The following OR4N2 variants were observed in gnomAD, a reference collection of about 807,000 sequenced individuals.
OR4N2 encodes olfactory receptor family 4 subfamily N member 2.
For synonymous variants in OR4N2, 141 were observed against 140.4 expected (o/e 1.00, Z -0.03); for missense variants, 307 against 377.6 (o/e 0.81, Z 1.55).
chr14:19,827,308 A>G (rs1303271494), intron 1 of OR4N2, 132 bp from the exon 2 acceptor site: 6 of 774,468 alleles, frequency 7.7e-6, no homozygotes, highest in African/African-American at 3.5e-5. Context: ...GTTTCCCCAG[A>G]ATAGGAGAGG....
chr14:19,818,823 T>A lies in OR4N2; in HGVS notation c.-9-8617T>A, dbSNP rs1363511924. Reference sequence around the variant, plus strand: ...ATGTTTTTGCAGTGGCTGGTACCAGTTTTTCTTTCCATATTTAGTGCTTCC... The same window carrying A: ...ATGTTTTTGCAGTGGCTGGTACCAGATTTTCTTTCCATATTTAGTGCTTCC... On this transcript the variant is annotated intron_variant, in intron 1 of 1. Coordinates refer to ENST00000557677, the MANE Select transcript of OR4N2 (RefSeq NM_001004723.3). 2.0e-5 allele frequency among the ~76,000 whole-genome samples: 3 copies of A among 152,248 alleles called. No individual in the cohort carries two copies. The East Asian group carries it at 5.8e-4, about 29-fold the overall frequency.
At chr14:19,805,877 T>G (rs1166208721) in intron 1 of OR4N2, among the ~76,000 whole-genome samples, 2 of 152,138 alleles carry the variant, frequency 1.3e-5, no homozygotes, top group African/African-American at 2.4e-5. Flanking sequence ...AGCAGAACTT[T>G]CAGCAGAACC....
chr14:19,812,692 G>A (rs1378984754), intron 1 of OR4N2, among the ~76,000 whole-genome samples: 4 of 152,190 alleles, frequency 2.6e-5, no homozygotes, highest in Non-Finnish European at 5.9e-5. Flanking sequence ...CCTTCTGACT[G>A]GTGTGAGATG....
At chr14:19,818,992 G>A (rs534958038) in intron 1 of OR4N2, among the ~76,000 whole-genome samples, 1 of 152,346 alleles carries the variant, frequency 6.6e-6, no homozygotes, top group Non-Finnish European at 1.5e-5. Context: ...TTTTCTTTAA[G>A]AATGTTGAAT....
intron 1 of OR4N2, among the ~76,000 whole-genome samples, chr14:19,812,170 A>G (rs1345286820): frequency 6.6e-6 from 1 of 152,184 alleles, no homozygotes; most frequent in Non-Finnish European, 1.5e-5. Flanking sequence ...AGTAAACTTA[A>G]ATGTTATTAT....
chr14:19,822,060 T>C (rs1482016092), intron 1 of OR4N2: 3 of 152,274 alleles, frequency 2.0e-5, no homozygotes, highest in Admixed American at 6.5e-5. Context: ...ACTATTTTAC[T>C]TGTTCACCTG....
intron 1 of OR4N2, among the ~76,000 whole-genome samples, chr14:19,804,614 C>T (rs1387900606): frequency 3.9e-5 from 6 of 152,082 alleles, no homozygotes; most frequent in Non-Finnish European, 5.9e-5. Context: ...GTTTTATGAT[C>T]GATTGTGTGG....
rs1295794627 is a variant in OR4N2 at position 19,828,201 on chromosome 14, T to C, written c.753T>C (p.Phe251=). Reference sequence around the variant, plus strand: ...ATATCATTGTTATATTCTTCATGTTTGGACCTGGCATCTTCATCTACACGC... The same window carrying C: ...ATATCATTGTTATATTCTTCATGTTCGGACCTGGCATCTTCATCTACACGC... The part of the protein sequence containing the change: ...ITHIIVIFFM[F]GPGIFIYTRP... Residue 251 remains phenylalanine, a synonymous_variant, in exon 2 of 2, where the codon TTT becomes TTC. Transcript: ENST00000557677. The C allele has an allele frequency of 6.2e-7, 1 of 1,614,258 alleles. No individual in the cohort carries two copies. The highest frequency in any genetic ancestry group is 8.5e-7 in the Non-Finnish European group (1 of 1,180,050).
intron 1 of OR4N2, among the ~76,000 whole-genome samples, chr14:19,809,131 G>T (rs1342017008): frequency 2.6e-5 from 4 of 151,858 alleles, no homozygotes; most frequent in African/African-American, 9.7e-5. Flanking sequence ...AATGGTGCTG[G>T]GATAACTGGC....
intron 1 of OR4N2, among the ~76,000 whole-genome samples, chr14:19,824,795 G>A (rs1594401976): frequency 6.6e-6 from 1 of 152,226 alleles, no homozygotes; most frequent in Non-Finnish European, 1.5e-5. Flanking sequence ...GTTTATTGTA[G>A]GATTATAGTA....
At chr14:19,820,338 G>T (rs112804439) in intron 1 of OR4N2, among the ~76,000 whole-genome samples, 17,148 of 149,916 alleles carry the variant, frequency 0.11, 587 homozygotes, top group South Asian at 0.24. Flanking sequence ...TTTTGAATTT[G>T]TCTGCTCTTA....
intron 1 of OR4N2, among the ~76,000 whole-genome samples, chr14:19,807,911 G>T (rs1041205596): frequency 6.6e-6 from 1 of 152,162 alleles, no homozygotes; most frequent in African/African-American, 2.4e-5. Flanking sequence ...CTATTCCTGA[G>T]ATGTAAGGCT....
chr14:19,807,268 G>A (rs72663730), intron 1 of OR4N2, among the ~76,000 whole-genome samples: 17,041 of 148,764 alleles, frequency 0.11, 581 homozygotes, highest in South Asian at 0.24. Flanking sequence ...GCAAAAATAC[G>A]TACAAAAGGT....
intron 1 of OR4N2, among the ~76,000 whole-genome samples, chr14:19,820,710 G>A (rs181482240): frequency 6.6e-6 from 1 of 152,342 alleles, no homozygotes; most frequent in Non-Finnish European, 1.5e-5. Context: ...CAAACTTCCT[G>A]GTGGCTTTAT....
intron 1 of OR4N2, among the ~76,000 whole-genome samples, chr14:19,816,890 A>C (rs7146153): frequency 0.21 from 31,276 of 149,286 alleles, 1,523 homozygotes; most frequent in South Asian, 0.27. Flanking sequence ...GTTTATTTAG[A>C]GTTTTTAGCT....
intron 1 of OR4N2, among the ~76,000 whole-genome samples, chr14:19,807,659 A>C (rs1879198487): frequency 6.6e-6 from 1 of 152,168 alleles, no homozygotes; most frequent in South Asian, 2.1e-4. Flanking sequence ...CAGATTTTAA[A>C]AAAAAGAACT....
In OR4N2 at chr14:19,813,937, A is replaced by C. The variant is rs1879364033; in HGVS notation, c.-10+10093A>C. ...CTTGATCTTTATTTTGATTATTGTA[A>C]ATTTTTCTGTACTTCTCTCTCTCTC... is the stretch of plus-strand genomic sequence containing the variant. On this transcript the variant is annotated intron_variant, in intron 1 of 1. Coordinates refer to ENST00000557677, the MANE Select transcript of OR4N2 (RefSeq NM_001004723.3). 2.7e-5 allele frequency among the ~76,000 whole-genome samples: 4 copies of C among 150,832 alleles called. No individual in the cohort carries two copies. In the South Asian group the frequency reaches 8.4e-4, roughly 32 times the overall value.
rs112952407 is a variant in OR4N2, at chr14:19,808,968, C to T, written c.-10+5124C>T. Among the ~76,000 whole-genome samples, 946 of 152,140 alleles carry T rather than the reference C, an allele frequency of 6.2e-3. 5 individuals carry two copies. Among genetic ancestry groups the T allele is most frequent in the Non-Finnish European group, 0.01 (706 of 67,914 alleles). On this transcript the variant is annotated intron_variant, in intron 1 of 1. Transcript: ENST00000557677. The stretch of plus-strand genomic sequence containing the variant: ...TAGAAAACCCAGAAATAAATCCATG[C>T]ACTTACAACCATCTGCTCTTCAACA...
intron 1 of OR4N2, among the ~76,000 whole-genome samples, chr14:19,806,996 A>T (rs1027084308): frequency 1.1e-4 from 17 of 152,168 alleles, no homozygotes; most frequent in African/African-American, 4.1e-4. Flanking sequence ...AAATCAAAAA[A>T]ATTCTTTGAA....
Sources: gnomAD v4.1 joint callset for allele counts (sites outside exome capture counted in the v4.1 genomes callset) on GRCh38, gnomAD v4.1.1 for gene constraint, MANE v1.5 for transcripts, NCBI Gene and HGNC (gene_info 2026-07-23, HGNC 2026-07-21) for gene names.